Variants in OR14I1 observed in about 807,000 individuals in gnomAD.
The protein encoded by OR14I1 is olfactory receptor family 14 subfamily I member 1.
For synonymous variants in OR14I1, 118 were observed against 71.1 expected (o/e 1.66, Z -3.32); for missense variants, 279 against 181.8 (o/e 1.53, Z -3.07).
the OR14I1 span, among the ~76,000 whole-genome samples, chr1:248,700,111 G>T: frequency 6.6e-6 from 1 of 152,176 alleles, no homozygotes; most frequent in Admixed American, 6.5e-5. Flanking sequence ...ATTAGAATGC[G>T]CATCCTAGGC....
chr1:248,685,898 C>T (rs141078344), upstream of OR14I1, among the ~76,000 whole-genome samples: 213 of 151,486 alleles, frequency 1.4e-3, 1 homozygote, highest in African/African-American at 5.0e-3. Context: ...TGAGGACATA[C>T]AAAACAAATC....
chr1:248,688,283 T>C, the OR14I1 span, among the ~76,000 whole-genome samples: 1 of 152,238 alleles, frequency 6.6e-6, no homozygotes, highest in South Asian at 2.1e-4. Flanking sequence ...AAGGCAAGGC[T>C]TCTGTAGATT....
the OR14I1 span, among the ~76,000 whole-genome samples, chr1:248,688,743 C>T: frequency 4.6e-5 from 7 of 152,270 alleles, no homozygotes; most frequent in East Asian, 3.9e-4. Flanking sequence ...ATGTGTTTAG[C>T]GGGAAGTTTC....
chr1:248,680,262 T>C (rs1307674534), downstream of OR14I1, among the ~76,000 whole-genome samples: 2 of 152,210 alleles, frequency 1.3e-5, no homozygotes, highest in African/African-American at 4.8e-5. Context: ...TATCGAAGAA[T>C]TATATTTACA....
At chr1:248,684,435 A>C (rs115041529), upstream of OR14I1, among the ~76,000 whole-genome samples, 789 of 152,316 alleles carry the variant, frequency 5.2e-3, 10 homozygotes, top group African/African-American at 0.018. Context: ...AACACAACTG[A>C]AGATGCGCAA....
chr1:248,685,678 A>G (rs200648181), upstream of OR14I1, among the ~76,000 whole-genome samples: 5 of 151,236 alleles, frequency 3.3e-5, no homozygotes, highest in East Asian at 9.7e-4. Flanking sequence ...TATATAGTGC[A>G]TATATAGTTC....
At chr1:248,687,715 GC>G in the OR14I1 span, among the ~76,000 whole-genome samples, 17 of 152,216 alleles carry the variant, frequency 1.1e-4, no homozygotes, top group African/African-American at 3.9e-4. Flanking sequence ...GTGTGAACAA[GC>G]TTTTATGGGC....
At chr1:248,694,465 G>T in the OR14I1 span, among the ~76,000 whole-genome samples, 1 of 152,052 alleles carries the variant, frequency 6.6e-6, no homozygotes, top group African/African-American at 2.4e-5. Context: ...TCCAGAAATG[G>T]TCTGTTACTT....
At chr1:248,691,273 A>C in the OR14I1 span, among the ~76,000 whole-genome samples, 1 of 152,320 alleles carries the variant, frequency 6.6e-6, no homozygotes, top group East Asian at 1.9e-4. Context: ...ACAGTGCTAA[A>C]GGCTGGAAGT....
At chr1:248,691,097 T>G in the OR14I1 span, among the ~76,000 whole-genome samples, 1 of 152,230 alleles carries the variant, frequency 6.6e-6, no homozygotes, top group Non-Finnish European at 1.5e-5. Flanking sequence ...CCTTGATGGA[T>G]ATTTAGGTTG....
At chr1:248,697,706 C>T in the OR14I1 span, among the ~76,000 whole-genome samples, 1 of 152,078 alleles carries the variant, frequency 6.6e-6, no homozygotes, top group Admixed American at 6.6e-5. Flanking sequence ...TCACTTGAAC[C>T]CAGGAGGCGG....
the OR14I1 span, among the ~76,000 whole-genome samples, chr1:248,694,331 T>C: frequency 6.6e-6 from 1 of 152,244 alleles, no homozygotes; most frequent in South Asian, 2.1e-4. Context: ...TACTTACATT[T>C]GTTTTTAATT....
At chr1:248,693,581 C>T in the OR14I1 span, among the ~76,000 whole-genome samples, 1 of 152,062 alleles carries the variant, frequency 6.6e-6, no homozygotes, top group East Asian at 1.9e-4. Context: ...CTTTCCACAC[C>T]TAATAAAACA....
upstream of OR14I1, among the ~76,000 whole-genome samples, chr1:248,686,024 T>C (rs1158738718): frequency 6.6e-6 from 1 of 152,114 alleles, no homozygotes; most frequent in African/African-American, 2.4e-5. Flanking sequence ...AGTTAACACA[T>C]TGGTTAAAAA....
upstream of OR14I1, among the ~76,000 whole-genome samples, chr1:248,683,619 T>C (rs1223282997): frequency 6.6e-6 from 1 of 152,266 alleles, no homozygotes; most frequent in African/African-American, 2.4e-5. Flanking sequence ...TTATTTTTTA[T>C]AGGACAGGTA....
the OR14I1 span, among the ~76,000 whole-genome samples, chr1:248,701,568 G>T: frequency 6.6e-6 from 1 of 152,188 alleles, no homozygotes; most frequent in Non-Finnish European, 1.5e-5. Flanking sequence ...ATTTAGGGTT[G>T]ATTTTCAATT....
chr1:248,687,455 A>T, the OR14I1 span, among the ~76,000 whole-genome samples: 1 of 152,186 alleles, frequency 6.6e-6, no homozygotes, highest in African/African-American at 2.4e-5. Flanking sequence ...TTGTTCCACA[A>T]CCAGTCACAG....
At chr1:248,700,796 T>C in the OR14I1 span, among the ~76,000 whole-genome samples, 2 of 152,342 alleles carry the variant, frequency 1.3e-5, no homozygotes, top group South Asian at 4.1e-4. Context: ...GTGCCATAAA[T>C]CGTCACCAGT....
chr1:248,691,996 G>GGGGGCGCTGTGA, the OR14I1 span: 1 of 152,390 alleles, frequency 6.6e-6, no homozygotes, highest in Admixed American at 6.5e-5. Context: ...CCCAGCATCC[G>GGGGGCGCTGTGA]GGGGCGCTGT....
Sources: gnomAD v4.1 joint callset for allele counts (sites outside exome capture counted in the v4.1 genomes callset) on GRCh38, gnomAD v4.1.1 for gene constraint, MANE v1.5 for transcripts, NCBI Gene and HGNC (gene_info 2026-07-23, HGNC 2026-07-21) for gene names.